Variants in LAMA2 observed in about 807,000 individuals in gnomAD.
The protein encoded by LAMA2 is laminin subunit alpha-2.
A neutral mutation model predicts 364.8 loss-of-function variants in LAMA2; 269 were observed. That is an observed-to-expected ratio of 0.74 (90% CI 0.67 to 0.82). The LOEUF is 0.82. Ranked by LOEUF, LAMA2 falls within the 40% of genes least tolerant of loss-of-function variation. LAMA2 has a pLI of 0.00. For synonymous variants in LAMA2, 1,379 were observed against 1,370.6 expected (o/e 1.01, Z -0.14); for missense variants, 3,807 against 3,873.2 (o/e 0.98, Z 0.45).
At chr6:129,100,848 A>C (rs1339963550) in intron 4 of LAMA2, among the ~76,000 whole-genome samples, 2 of 152,192 alleles carry the variant, frequency 1.3e-5, no homozygotes, top group Non-Finnish European at 2.9e-5. Context: ...AAATTTCTTT[A>C]ATAGATGAAT....
chr6:129,081,249 G>A (rs1012063489), intron 3 of LAMA2, among the ~76,000 whole-genome samples: 5 of 151,806 alleles, frequency 3.3e-5, no homozygotes, highest in Admixed American at 6.6e-5. Context: ...GTTGTGGGGT[G>A]GGGTGAGGGG....
At chr6:129,397,419 C>T (rs986844029) in intron 37 of LAMA2, among the ~76,000 whole-genome samples, 1 of 152,128 alleles carries the variant, frequency 6.6e-6, no homozygotes, top group African/African-American at 2.4e-5. Context: ...TTTTATCTCT[C>T]CTCCACACAA....
chr6:129,428,409 G>T (rs1583724199), intron 41 of LAMA2, among the ~76,000 whole-genome samples: 3 of 152,176 alleles, frequency 2.0e-5, no homozygotes, highest in Admixed American at 1.3e-4. Context: ...ACACCAGCCT[G>T]GGTAACAGAG....
At chr6:129,025,185 G>GC (rs1785724411) in intron 1 of LAMA2, among the ~76,000 whole-genome samples, 1 of 152,044 alleles carries the variant, frequency 6.6e-6, no homozygotes, top group Non-Finnish European at 1.5e-5. Context: ...TTTATAAAAT[G>GC]TAAAAAATCA....
chr6:129,472,090 T>C (rs187426937), intron 51 of LAMA2, among the ~76,000 whole-genome samples: 2 of 152,086 alleles, frequency 1.3e-5, no homozygotes, highest in Admixed American at 1.3e-4. Flanking sequence ...GAACATTGCA[T>C]TGCATATTAG....
At chr6:129,357,397 G>A (rs1414152309) in intron 32 of LAMA2, among the ~76,000 whole-genome samples, 1 of 151,980 alleles carries the variant, frequency 6.6e-6, no homozygotes, top group Non-Finnish European at 1.5e-5. Flanking sequence ...GCCTGAAATA[G>A]CATTTTATAA....
intron 34 of LAMA2, among the ~76,000 whole-genome samples, chr6:129,379,839 C>T (rs1160206612): frequency 6.6e-6 from 1 of 152,174 alleles, no homozygotes; most frequent in Non-Finnish European, 1.5e-5. Flanking sequence ...AACCACATTT[C>T]CTGGCAAGCA....
intron 60 of LAMA2, among the ~76,000 whole-genome samples, chr6:129,504,880 T>C (rs1393189188): frequency 6.6e-6 from 1 of 152,256 alleles, no homozygotes; most frequent in Non-Finnish European, 1.5e-5. Flanking sequence ...AAAGTGCTAT[T>C]AGTCTGCAGG....
At chr6:129,355,457 A>G (rs903417248) in intron 32 of LAMA2, among the ~76,000 whole-genome samples, 2 of 152,152 alleles carry the variant, frequency 1.3e-5, no homozygotes, top group African/African-American at 4.8e-5. Context: ...TGTAATTCTG[A>G]CTTATTCTCA....
intron 12 of LAMA2, among the ~76,000 whole-genome samples, chr6:129,240,061 T>C (rs1785292639): frequency 6.6e-6 from 1 of 152,148 alleles, no homozygotes; most frequent in African/African-American, 2.4e-5. Flanking sequence ...CCGTGGCAAA[T>C]TACTGGTGTA....
At chr6:129,058,871 G>A (rs770081805) in intron 2 of LAMA2, among the ~76,000 whole-genome samples, 3 of 152,290 alleles carry the variant, frequency 2.0e-5, no homozygotes, top group Non-Finnish European at 4.4e-5. Flanking sequence ...CCTTCTTCAC[G>A]GGGGAGGGAA....
intron 12 of LAMA2, among the ~76,000 whole-genome samples, chr6:129,209,179 G>A (rs1218779851): frequency 6.6e-6 from 1 of 152,196 alleles, no homozygotes; most frequent in Non-Finnish European, 1.5e-5. Context: ...AAATTAAGAT[G>A]TGATGGTTTT....
chr6:128,905,817 A>G lies in LAMA2; in HGVS notation c.112+22460A>G, dbSNP rs1046416943. Among the ~76,000 whole-genome samples the G allele has an allele frequency of 3.6e-4, 54 of 150,288 alleles. 1 individual carries two copies. Among genetic ancestry groups the G allele is most frequent in the African/African-American group, 1.2e-3 (51 of 40,928 alleles). On this transcript the variant is annotated intron_variant, in intron 1 of 64. Transcript: ENST00000421865. Reference sequence around the variant, plus strand: ...ACCCCACAACAGTCCCCAGAGTGTGATGTTCCCCTTCCTGTGTCCATGTGA... The same window carrying G: ...ACCCCACAACAGTCCCCAGAGTGTGGTGTTCCCCTTCCTGTGTCCATGTGA...
intron 3 of LAMA2, among the ~76,000 whole-genome samples, chr6:129,080,917 C>T (rs1382770098): frequency 2.6e-5 from 4 of 152,196 alleles, no homozygotes; most frequent in Non-Finnish European, 5.9e-5. Context: ...GATTATAAAT[C>T]ATGCTGCTAT....
chr6:129,375,439 T>G (rs1302025300), intron 34 of LAMA2, among the ~76,000 whole-genome samples: 1 of 152,208 alleles, frequency 6.6e-6, no homozygotes, highest in Non-Finnish European at 1.5e-5. Flanking sequence ...CACTGCTGCC[T>G]GGATTTTCAC....
At chr6:129,253,767 T>C (rs1562382294) in intron 14 of LAMA2, among the ~76,000 whole-genome samples, 1 of 152,240 alleles carries the variant, frequency 6.6e-6, no homozygotes, top group Non-Finnish European at 1.5e-5. Context: ...CTGATTTATG[T>C]TGGACAGTTT....
intron 1 of LAMA2, among the ~76,000 whole-genome samples, chr6:129,018,987 T>C (rs1785248890): frequency 6.6e-6 from 1 of 152,186 alleles, no homozygotes; most frequent in Admixed American, 6.5e-5. Context: ...TTATTCTAAA[T>C]AGTCTGACTT....
intron 3 of LAMA2, among the ~76,000 whole-genome samples, chr6:129,061,991 G>T (rs1788954444): frequency 1.3e-5 from 2 of 152,068 alleles, no homozygotes; most frequent in Admixed American, 6.5e-5. Flanking sequence ...CTTGACTCAA[G>T]ATTTTAATTT....
intron 1 of LAMA2, among the ~76,000 whole-genome samples, chr6:128,924,784 A>T (rs1193504627): frequency 2.6e-5 from 4 of 152,154 alleles, no homozygotes; most frequent in African/African-American, 4.8e-5. Context: ...CTCATCAATC[A>T]TGTTGCAATT....
Sources: allele counts gnomAD v4.1 joint callset (sites outside exome capture counted in the v4.1 genomes callset), GRCh38; gene constraint gnomAD v4.1.1; transcripts MANE v1.5; gene names NCBI Gene and HGNC (gene_info 2026-07-23, HGNC 2026-07-21).